Variants in MREG observed in about 807,000 individuals in gnomAD.
MREG encodes the protein dilute suppressor protein homolog.
In MREG, 31 loss-of-function variants were observed where a neutral mutation model predicts 28.5. That is an observed-to-expected ratio of 1.09 (90% CI 0.82 to 1.47). The LOEUF is 1.47. MREG is among the 40% of genes most tolerant of loss of function. The probability of loss-of-function intolerance (pLI) is 0.00; values close to 1 mark genes in which losing one functional copy is unlikely to be tolerated. For synonymous variants in MREG, 106 were observed against 95.2 expected, an observed-to-expected ratio of 1.11 and a Z score of -0.66; for missense variants, 256 against 257.4, an observed-to-expected ratio of 0.99 and a Z score of 0.04.
chr2:215,960,442 G>A lies in MREG; in HGVS notation c.256-13329C>T, dbSNP rs116227610. Among the ~76,000 whole-genome samples the A allele has an allele frequency of 7.3e-3, 1,118 of 152,320 alleles. 11 individuals carry two copies. The highest frequency in any genetic ancestry group is 0.025 in the African/African-American group (1,026 of 41,574). ...TAAAAGCCAAGTTCTGGCTGTGCTC[G>A]AGTGCCTATTGTGAATATAGAAAGC... On this transcript the variant is annotated intron_variant, in intron 2 of 4. Transcript: ENST00000263268.
chr2:216,011,846 C>G (rs995728380), intron 1 of MREG, among the ~76,000 whole-genome samples: 6 of 152,168 alleles, frequency 3.9e-5, no homozygotes, highest in Non-Finnish European at 5.9e-5. Flanking sequence ...AGAGCCCTGA[C>G]AAGTTCAGTG....
intron 1 of MREG, among the ~76,000 whole-genome samples, chr2:216,031,576 A>G (rs1694700764): frequency 6.9e-6 from 1 of 145,082 alleles, no homozygotes; most frequent in Non-Finnish European, 1.5e-5. Context: ...GGAAGGAAGG[A>G]AAGAAAGAAG....
intron 2 of MREG, among the ~76,000 whole-genome samples, 192 bp downstream of exon 2, chr2:215,996,114 A>G (rs1693866483): frequency 6.6e-6 from 1 of 152,228 alleles, no homozygotes; most frequent in South Asian, 2.1e-4. Context: ...CCTTATCTCT[A>G]TATCAAGCAG....
At chr2:215,965,569 C>A (rs866108645) in intron 2 of MREG, among the ~76,000 whole-genome samples, 1 of 152,218 alleles carries the variant, frequency 6.6e-6, no homozygotes, top group South Asian at 2.1e-4. Context: ...GTTTCTCATT[C>A]TTTAGCCCAA....
At chr2:216,016,621 C>A (rs766682933), upstream of MREG, among the ~76,000 whole-genome samples, 1 of 152,216 alleles carries the variant, frequency 6.6e-6, no homozygotes, top group Non-Finnish European at 1.5e-5. Flanking sequence ...TTGTGAGACT[C>A]AAATGAGACA....
chr2:215,964,862 G>A (rs937260791), intron 2 of MREG, among the ~76,000 whole-genome samples: 1 of 120,512 alleles, frequency 8.3e-6, no homozygotes, highest in African/African-American at 3.3e-5. Context: ...TAGATAGATA[G>A]ATAGATAGAT....
chr2:216,031,677 AAG>A lies in MREG; in HGVS notation c.-68+1110_-68+1111del, dbSNP rs1437934414. ...AAAGAAAGAAAGAAAGAAAGAAAGA[AAG>A]AAAGAAAGAAAGAGAAAGAAAGAAA... On this transcript the variant is annotated intron_variant, in intron 1 of 3. Transcript: ENST00000420348. Among the ~76,000 whole-genome samples, 217 of 49,648 alleles carry A rather than the reference AAG, an allele frequency of 4.4e-3. 1 individual carries two copies. The highest frequency in any genetic ancestry group is 0.019 in the East Asian group (27 of 1,444). The allele number at this position is 49,648 out of a possible 152,430, so 32.6% of individuals were successfully genotyped here. A position where few individuals can be genotyped will look rare whatever the true frequency, so the allele number is the denominator to read the frequency against.
At chr2:215,960,235 G>A (rs144007515) in intron 2 of MREG, among the ~76,000 whole-genome samples, 167 of 152,206 alleles carry the variant, frequency 1.1e-3, no homozygotes, top group African/African-American at 3.7e-3. Flanking sequence ...GATTACAGGC[G>A]TAAGCCACCG....
intron 2 of MREG, among the ~76,000 whole-genome samples, chr2:215,981,511 A>G (rs181411837): frequency 7.4e-4 from 112 of 152,340 alleles, no homozygotes; most frequent in Admixed American, 7.3e-3. Flanking sequence ...GTTATTGTCT[A>G]GTGGGCACAG....
chr2:216,020,187 T>C (rs1239992328), intron 1 of MREG, among the ~76,000 whole-genome samples: 5 of 152,166 alleles, frequency 3.3e-5, no homozygotes, highest in Non-Finnish European at 5.9e-5. Context: ...CTGCTGGATA[T>C]TAATCATCTT....
intron 2 of MREG, among the ~76,000 whole-genome samples, chr2:215,975,008 T>TTAGATATATATATATA (rs1693212597): frequency 9.4e-6 from 1 of 106,608 alleles, no homozygotes; most frequent in Non-Finnish European, 1.9e-5. Context: ...TTTATATGAA[T>TTAGATATATATATATA]TATATATATA....
intron 2 of MREG, among the ~76,000 whole-genome samples, chr2:215,970,360 C>G (rs948712576): frequency 1.3e-5 from 2 of 152,162 alleles, no homozygotes; most frequent in African/African-American, 4.8e-5. Flanking sequence ...TGTGAGAGAA[C>G]AAATTTCTGT....
chr2:215,984,985 C>G (rs1693528785), intron 2 of MREG, among the ~76,000 whole-genome samples: 1 of 152,160 alleles, frequency 6.6e-6, no homozygotes, highest in Non-Finnish European at 1.5e-5. Context: ...TCCTGATACT[C>G]ATTATATATC....
At position 215,966,633 on chromosome 2, in the gene MREG, ACT is replaced by A. The variant is rs144731663; in HGVS notation, c.256-19522_256-19521del. On this transcript the variant is annotated intron_variant, in intron 2 of 4. Transcript: ENST00000263268. ...TTTTTTTTTTTTGAGATGGAGTCTC[ACT>A]CTGTCATCCTGGCTGGAGTGCAGTG... Among the ~76,000 whole-genome samples, 1,024 of 136,412 alleles carry A rather than the reference ACT, an allele frequency of 7.5e-3. 11 individuals are homozygous for A. The highest frequency in any genetic ancestry group is 0.026 in the African/African-American group (940 of 35,572). 89.5% of individuals were successfully genotyped at this position (136,412 alleles called of 152,430 possible).
chr2:216,020,320 G>T (rs553629275), intron 1 of MREG, among the ~76,000 whole-genome samples: 51 of 152,282 alleles, frequency 3.3e-4, no homozygotes, highest in African/African-American at 1.1e-3. Context: ...GCCCTCCAAA[G>T]ATAAAATAAA....
At chr2:215,955,348 T>C (rs1574596699) in intron 2 of MREG, among the ~76,000 whole-genome samples, 1 of 152,222 alleles carries the variant, frequency 6.6e-6, no homozygotes, top group Non-Finnish European at 1.5e-5. Context: ...GATTTTTCGC[T>C]TCCTAGTCAT....
At chr2:215,984,518 C>CA (rs375220091) in intron 2 of MREG, among the ~76,000 whole-genome samples, 2,500 of 67,990 alleles carry the variant, frequency 0.037, 104 homozygotes, top group African/African-American at 0.044. Flanking sequence ...ACCTTGTCAC[C>CA]AAAAAAAAAA....
intron 1 of MREG, among the ~76,000 whole-genome samples, chr2:216,004,567 A>C (rs536845919): frequency 3.7e-4 from 56 of 150,630 alleles, no homozygotes; most frequent in South Asian, 3.1e-3. Context: ...AAACAAACAA[A>C]AAAAAAAAAC....
intron 2 of MREG, among the ~76,000 whole-genome samples, chr2:215,965,739 C>A (rs1484738735): frequency 6.6e-6 from 1 of 152,092 alleles, no homozygotes; most frequent in Non-Finnish European, 1.5e-5. Context: ...TACCTTTACT[C>A]CCTAGGAGGA....
Sources: allele counts gnomAD v4.1 joint callset (sites outside exome capture counted in the v4.1 genomes callset), GRCh38; gene constraint gnomAD v4.1.1; transcripts MANE v1.5; gene names NCBI Gene and HGNC (gene_info 2026-07-23, HGNC 2026-07-21).